PIWIL2: variants seen among roughly 807,000 people sequenced by gnomAD.
The protein encoded by PIWIL2 is piwi-like protein 2.
In PIWIL2, 81 loss-of-function variants were observed where a neutral mutation model predicts 116.5. The ratio of observed to expected loss-of-function variants is 0.70; its 90% CI spans 0.58 to 0.84. PIWIL2 has a LOEUF of 0.84. Ranked by LOEUF, PIWIL2 falls within the 40% of genes least tolerant of loss-of-function variation. PIWIL2 has a pLI of 0.00. For missense variants in PIWIL2, 1,272 were observed against 1,212.3 expected, an observed-to-expected ratio of 1.05 and a Z score of -0.73; for synonymous variants, 489 against 429.5, an observed-to-expected ratio of 1.14 and a Z score of -1.71.
intron 16 of PIWIL2, among the ~76,000 whole-genome samples, chr8:22,313,527 G>A (rs1349814347): frequency 1.3e-5 from 2 of 152,206 alleles, no homozygotes; most frequent in East Asian, 3.8e-4. Flanking sequence ...GGCTCCCAGT[G>A]CGCAGCTCTG....
At chr8:22,315,940 G>T (rs1024136253) in intron 18 of PIWIL2, among the ~76,000 whole-genome samples, 12 of 152,176 alleles carry the variant, frequency 7.9e-5, no homozygotes, top group African/African-American at 2.9e-4. Flanking sequence ...TGAGTGTCAT[G>T]TCGGTGCTCA....
intron 4 of PIWIL2, 84 bp from the exon 5 acceptor site, chr8:22,282,950 A>C: frequency 2.8e-6 from 3 of 1,062,686 alleles, no homozygotes; most frequent in Non-Finnish European, 2.9e-6. Context: ...TCCTCCAGGA[A>C]GAGATTGTGG....
intron 2 of PIWIL2, among the ~76,000 whole-genome samples, chr8:22,280,034 G>C (rs938021661): frequency 6.6e-6 from 1 of 152,150 alleles, no homozygotes; most frequent in Non-Finnish European, 1.5e-5. Flanking sequence ...TCTTTAACAA[G>C]TAGATACATC....
Position 22,354,458 on chromosome 8 carries a change from C to CAA in PIWIL2, c.2765+83_2765+84dup. 3.7e-6 allele frequency: 3 copies of CAA among 811,590 alleles called. No individual in the cohort carries two copies. In the East Asian group the frequency reaches 7.5e-5, roughly 20 times the overall value. The allele number at this position is 811,590 out of a possible 1,614,324, so 50.3% of individuals were successfully genotyped here. A position where few individuals can be genotyped will look rare whatever the true frequency, so the allele number is the denominator to read the frequency against. The stretch of plus-strand genomic sequence containing the variant: ...GCTAAGATGGGCTCACTGTTCACCC[C>CAA]AAAATATATTTACCTCTTGACTTTT... On this transcript the variant is annotated intron_variant, in intron 22 of 22. Transcript: ENST00000356766.
intron 18 of PIWIL2, 43 bp from the exon 19 acceptor site, chr8:22,316,202 C>A: frequency 8.2e-7 from 1 of 1,221,596 alleles, no homozygotes; most frequent in Non-Finnish European, 1.2e-6. Flanking sequence ...GAATGCATTG[C>A]TCAGGTCTGG....
At chr8:22,320,569 G>C (rs1479574222) in intron 20 of PIWIL2, among the ~76,000 whole-genome samples, 1 of 151,758 alleles carries the variant, frequency 6.6e-6, no homozygotes, top group African/African-American at 2.4e-5. Flanking sequence ...GAGCCACCAT[G>C]TCTGGCCTGC....
chr8:22,352,264 T>G (rs1832390925), intron 20 of PIWIL2, among the ~76,000 whole-genome samples: 1 of 152,226 alleles, frequency 6.6e-6, no homozygotes. Flanking sequence ...TTATTGAAGT[T>G]GAACACAACT....
chr8:22,333,427 C>T (rs1181832177), intron 20 of PIWIL2, among the ~76,000 whole-genome samples: 3 of 152,010 alleles, frequency 2.0e-5, no homozygotes, highest in Non-Finnish European at 4.4e-5. Flanking sequence ...GCCTGACCAA[C>T]ATGGAGAAAC....
intron 13 of PIWIL2, among the ~76,000 whole-genome samples, chr8:22,307,517 C>G (rs1337559342): frequency 1.8e-5 from 2 of 110,504 alleles, no homozygotes; most frequent in Non-Finnish European, 1.7e-5. Context: ...GTATCTTGCT[C>G]TGTTGCCCAG....
In PIWIL2 at chr8:22,352,948, T is replaced by C; in HGVS notation, c.2404-11T>C. ...GCTCTGTGAGTCACCACATCCTCGC[T>C]GTCATTTCAGGTGAACCACTGTCTA... On this transcript the variant is annotated splice_polypyrimidine_tract_variant and intron_variant, in intron 20 of 22. Coordinates refer to ENST00000356766, the MANE Select transcript of PIWIL2 (RefSeq NM_018068.5). 1.2e-6 allele frequency: 2 copies of C among 1,605,426 alleles called. No individual in the cohort carries two copies. Among genetic ancestry groups the C allele is most frequent in the Non-Finnish European group, 1.7e-6 (2 of 1,173,922 alleles).
At chr8:22,347,043 T>C (rs1426481788) in intron 20 of PIWIL2, among the ~76,000 whole-genome samples, 2 of 151,970 alleles carry the variant, frequency 1.3e-5, no homozygotes, top group East Asian at 3.9e-4. Flanking sequence ...TGGTAGTATA[T>C]GCCTGTAGTC....
chr8:22,296,587 CT>C (rs1830912906), intron 10 of PIWIL2, among the ~76,000 whole-genome samples: 3 of 152,268 alleles, frequency 2.0e-5, no homozygotes, highest in African/African-American at 7.2e-5. Context: ...ATACTTTACC[CT>C]GAGAATTTTG....
At chr8:22,354,568 G>C (rs1331769288) in intron 22 of PIWIL2, among the ~76,000 whole-genome samples, 190 bp downstream of exon 22, 2 of 152,104 alleles carry the variant, frequency 1.3e-5, no homozygotes, top group African/African-American at 4.8e-5. Flanking sequence ...TACTTAAAGA[G>C]CTTTAAAAAA....
chr8:22,303,979 G>GAT (rs750298777), intron 10 of PIWIL2, 42 bp from the exon 11 acceptor site: 1 of 1,345,072 alleles, frequency 7.4e-7, no homozygotes, highest in Admixed American at 1.7e-5. Flanking sequence ...TACTGTTCTG[G>GAT]ATATATACTG....
intron 20 of PIWIL2, among the ~76,000 whole-genome samples, chr8:22,328,150 C>T (rs150275016): frequency 1.3e-5 from 2 of 152,050 alleles, no homozygotes; most frequent in African/African-American, 2.4e-5. Flanking sequence ...TTTATTCTTT[C>T]GCATCTGGAT....
chr8:22,317,391 AAC>A (rs145205763), intron 19 of PIWIL2, among the ~76,000 whole-genome samples: 7 of 151,766 alleles, frequency 4.6e-5, no homozygotes, highest in Admixed American at 1.3e-4. Context: ...ATATCTCTGA[AAC>A]ACACACACAC....
chr8:22,281,427 A>G lies in PIWIL2; in HGVS notation c.337A>G (p.Arg113Gly), dbSNP rs1157791103. The G allele has an allele frequency of 1.2e-6, 2 of 1,605,958 alleles. No homozygotes were observed. The highest frequency in any genetic ancestry group is 1.7e-6 in the Non-Finnish European group (2 of 1,178,212). ...GLSANLVRKDREELSPTFWDP... is the reference protein window; with the variant it reads ...GLSANLVRKDGEELSPTFWDP... ...GTCTGCTAATCTGGTACGCAAGGAC[A>G]GGGAGGAACTCTCTCCCACTTTTTG... The change falls in exon 4 of 23, where the codon AGG (arginine) becomes GGG (glycine). Residue 113 changes from arginine to glycine, a missense_variant. Transcript: ENST00000356766.
chr8:22,344,160 G>C (rs1166196562), intron 20 of PIWIL2, among the ~76,000 whole-genome samples: 1 of 152,146 alleles, frequency 6.6e-6, no homozygotes, highest in African/African-American at 2.4e-5. Flanking sequence ...TATGATAAAT[G>C]GCATTCTAGA....
intron 16 of PIWIL2, among the ~76,000 whole-genome samples, chr8:22,311,506 T>TA (rs1831330239): frequency 6.6e-6 from 1 of 152,260 alleles, no homozygotes; most frequent in East Asian, 1.9e-4. Flanking sequence ...CACCCTCACT[T>TA]ACTCTAGTCT....
Sources: allele counts gnomAD v4.1 joint callset (sites outside exome capture counted in the v4.1 genomes callset), GRCh38; gene constraint gnomAD v4.1.1; transcripts MANE v1.5; gene names NCBI Gene and HGNC (gene_info 2026-07-23, HGNC 2026-07-21).